Variants in PDZD2 observed in about 807,000 individuals in gnomAD.
The protein encoded by PDZD2 is PDZ domain containing 2.
In PDZD2, 90 loss-of-function variants were observed where a neutral mutation model predicts 220.7. The observed-to-expected ratio is 0.41, with a 90% CI of 0.34 to 0.49. PDZD2 has a LOEUF of 0.49. Ranked by LOEUF, PDZD2 falls within the 20% of genes least tolerant of loss-of-function variation. The pLI, the probability that PDZD2 is intolerant of heterozygous loss-of-function variation, is 0.28. For synonymous variants in PDZD2, 1,375 were observed against 1,450.5 expected, an observed-to-expected ratio of 0.95 and a Z score of 1.18; for missense variants, 3,174 against 3,608.5, an observed-to-expected ratio of 0.88 and a Z score of 3.08.
chr5:31,820,275 C>G (rs535712479), intron 2 of PDZD2, among the ~76,000 whole-genome samples: 43 of 152,326 alleles, frequency 2.8e-4, no homozygotes, highest in African/African-American at 1.0e-3. Context: ...TAGGTTCTTC[C>G]TGTGGTTGCA....
chr5:31,897,276 A>G (rs540768821), intron 2 of PDZD2, among the ~76,000 whole-genome samples: 5 of 152,310 alleles, frequency 3.3e-5, no homozygotes, highest in African/African-American at 1.2e-4. Context: ...TTCCTGAGAA[A>G]GTAAACCTCG....
At chr5:31,812,008 A>AAATAAATAAAT (rs1191754311) in intron 2 of PDZD2, among the ~76,000 whole-genome samples, 1 of 147,816 alleles carries the variant, frequency 6.8e-6, no homozygotes, top group Non-Finnish European at 1.5e-5. Context: ...ATAAATAAAT[A>AAATAAATAAAT]AATAAATAAA....
intron 1 of PDZD2, among the ~76,000 whole-genome samples, chr5:31,770,108 C>G (rs1055466909): frequency 6.6e-6 from 1 of 152,076 alleles, no homozygotes; most frequent in Non-Finnish European, 1.5e-5. Context: ...TGCATAATCA[C>G]AAAGAAAGGG....
intron 2 of PDZD2, among the ~76,000 whole-genome samples, chr5:31,901,166 C>A (rs975096584): frequency 3.1e-4 from 47 of 152,148 alleles, no homozygotes; most frequent in Middle Eastern, 3.4e-3. Context: ...GCCTGTAATC[C>A]CAGCACTTTG....
At chr5:31,736,095 T>C (rs1002244565) in intron 1 of PDZD2, among the ~76,000 whole-genome samples, 1 of 152,210 alleles carries the variant, frequency 6.6e-6, no homozygotes, top group African/African-American at 2.4e-5. Flanking sequence ...GAGGTAATGC[T>C]AACAGTATCT....
chr5:32,036,817 G>A (rs1223366947), intron 6 of PDZD2, among the ~76,000 whole-genome samples: 1 of 152,250 alleles, frequency 6.6e-6, no homozygotes, highest in Non-Finnish European at 1.5e-5. Flanking sequence ...TGCATTGTGG[G>A]AAAAAGCACT....
intron 2 of PDZD2, among the ~76,000 whole-genome samples, chr5:31,906,453 GC>G (rs1742661909): frequency 6.6e-6 from 1 of 151,534 alleles, no homozygotes; most frequent in Non-Finnish European, 1.5e-5. Flanking sequence ...CAAGCAATCA[GC>G]CCGTCTCAGC....
At chr5:32,004,188 C>G (rs189823516) in intron 5 of PDZD2, among the ~76,000 whole-genome samples, 215 of 152,286 alleles carry the variant, frequency 1.4e-3, no homozygotes, top group Middle Eastern at 3.4e-3. Context: ...TGCCTGCTCC[C>G]TGTGAGACAC....
chr5:31,861,700 C>T lies in PDZD2; in HGVS notation c.476+61976C>T, dbSNP rs573511466. Among the ~76,000 whole-genome samples, 6 of 152,264 alleles carry T rather than the reference C, an allele frequency of 3.9e-5. No individual in the cohort carries two copies. The East Asian group carries it at 9.7e-4, about 25-fold the overall frequency. ...AAAGCCAAGCACTAGTTTTCACTCC[C>T]TCCTAGGACTGTGGAGGCTGAAAGG... On this transcript the variant is annotated intron_variant, in intron 2 of 24. Coordinates refer to ENST00000438447, the MANE Select transcript of PDZD2 (RefSeq NM_178140.4).
intron 2 of PDZD2, among the ~76,000 whole-genome samples, chr5:31,979,154 T>G (rs1421310951): frequency 6.6e-6 from 1 of 152,200 alleles, no homozygotes; most frequent in African/African-American, 2.4e-5. Flanking sequence ...GTTTAGAGAT[T>G]TAACGTATTT....
intron 1 of PDZD2, among the ~76,000 whole-genome samples, chr5:31,727,359 C>T (rs1163323474): frequency 6.6e-6 from 1 of 152,184 alleles, no homozygotes; most frequent in Non-Finnish European, 1.5e-5. Context: ...TCCTCCAATA[C>T]TACCTCCCAC....
intron 2 of PDZD2, among the ~76,000 whole-genome samples, chr5:31,908,109 GAA>G (rs1742840174): frequency 2.9e-5 from 3 of 105,154 alleles, no homozygotes; most frequent in Non-Finnish European, 4.1e-5. Context: ...AAAAAAAAAA[GAA>G]AGAAAAGGAT....
intron 2 of PDZD2, among the ~76,000 whole-genome samples, chr5:31,944,090 T>TG (rs1746435432): frequency 1.3e-5 from 2 of 152,226 alleles, no homozygotes; most frequent in Non-Finnish European, 1.5e-5. Flanking sequence ...CACATGCAGG[T>TG]TACTACATTA....
At chr5:31,957,999 C>A (rs1004848519) in intron 2 of PDZD2, among the ~76,000 whole-genome samples, 12 of 152,070 alleles carry the variant, frequency 7.9e-5, no homozygotes, top group Admixed American at 2.6e-4. Flanking sequence ...AAAACAAACC[C>A]AGAAATTTTA....
At chr5:32,081,802 C>T (rs905067339) in intron 19 of PDZD2, among the ~76,000 whole-genome samples, 15 of 150,024 alleles carry the variant, frequency 1.0e-4, no homozygotes, top group African/African-American at 3.0e-4. Context: ...GCTCACTGTA[C>T]GCTCTGCCTC....
intron 6 of PDZD2, among the ~76,000 whole-genome samples, chr5:32,025,972 A>G (rs991481498): frequency 6.6e-6 from 1 of 152,088 alleles, no homozygotes; most frequent in Non-Finnish European, 1.5e-5. Flanking sequence ...TTCTGTTACA[A>G]TAATCCATGT....
intron 2 of PDZD2, among the ~76,000 whole-genome samples, chr5:31,885,342 C>T (rs762642889): frequency 4.6e-5 from 7 of 151,554 alleles, no homozygotes; most frequent in Non-Finnish European, 5.9e-5. Context: ...GGGTAGAGTT[C>T]GGGTCTTTGT....
At position 31,969,968 on chromosome 5, in the gene PDZD2, G is replaced by T. The variant is rs756120676; in HGVS notation, c.477-13187G>T. ...GGCTGGAGTGCAGTGGTGTGATCTC[G>T]GCTCACCGCAACTTCCGCCTCCCGG... On this transcript the variant is annotated intron_variant, in intron 2 of 24. Coordinates refer to ENST00000438447, the MANE Select transcript of PDZD2 (RefSeq NM_178140.4). Among the ~76,000 whole-genome samples the T allele has an allele frequency of 5.3e-5, 8 of 151,386 alleles. No homozygotes were observed. The South Asian group carries it at 6.3e-4, about 12-fold the overall frequency.
chr5:31,981,405 A>G (rs1466049505), intron 2 of PDZD2, among the ~76,000 whole-genome samples: 1 of 152,212 alleles, frequency 6.6e-6, no homozygotes, highest in Non-Finnish European at 1.5e-5. Context: ...TTTCAAGCAC[A>G]TCTGGTCACC....
Sources: allele counts gnomAD v4.1 joint callset (sites outside exome capture counted in the v4.1 genomes callset), GRCh38; gene constraint gnomAD v4.1.1; transcripts MANE v1.5; gene names NCBI Gene and HGNC (gene_info 2026-07-23, HGNC 2026-07-21).